The following FAM168A variants were observed in gnomAD, a reference collection of about 807,000 sequenced individuals.
FAM168A encodes family with sequence similarity 168 member A, also known as protein FAM168A.
In FAM168A, 3 loss-of-function variants were observed where a neutral mutation model predicts 28.5. The ratio of observed to expected loss-of-function variants is 0.11; its 90% confidence interval spans 0.05 to 0.27. FAM168A has a LOEUF of 0.27. FAM168A is among the 10% of genes least tolerant of loss of function. The pLI is 1.00. For missense variants in FAM168A, 222 were observed against 311.5 expected (o/e 0.71, Z 2.16); for synonymous variants, 122 against 124.2 (o/e 0.98, Z 0.12).
At chr11:73,487,982 T>A (rs756740494) in intron 1 of FAM168A, among the ~76,000 whole-genome samples, 4 of 152,174 alleles carry the variant, frequency 2.6e-5, no homozygotes, top group Non-Finnish European at 5.9e-5. Context: ...TGACACTAGT[T>A]TGGTTAAACC....
At chr11:73,550,877 G>A (rs1434851827) in intron 1 of FAM168A, among the ~76,000 whole-genome samples, 1 of 152,122 alleles carries the variant, frequency 6.6e-6, no homozygotes, top group Non-Finnish European at 1.5e-5. Context: ...GGGAGGCCGA[G>A]GCAGGCAGAT....
chr11:73,457,723 CAAA>C (rs58142151), intron 2 of FAM168A, among the ~76,000 whole-genome samples: 8 of 37,522 alleles, frequency 2.1e-4, no homozygotes, highest in African/African-American at 3.1e-4. Flanking sequence ...GCCTGGGTGA[CAAA>C]AAAAAAAAAA....
intron 1 of FAM168A, among the ~76,000 whole-genome samples, chr11:73,593,245 G>C (rs1437316566): frequency 6.6e-6 from 1 of 152,146 alleles, no homozygotes; most frequent in African/African-American, 2.4e-5. Flanking sequence ...AAAGGTACTA[G>C]AAATCTCCTT....
chr11:73,564,110 C>T (rs1420561538), intron 1 of FAM168A, among the ~76,000 whole-genome samples: 3 of 152,180 alleles, frequency 2.0e-5, no homozygotes, highest in African/African-American at 4.8e-5. Flanking sequence ...TCTTCTATAG[C>T]GGCTTACAAA....
intron 1 of FAM168A, among the ~76,000 whole-genome samples, chr11:73,597,103 T>C (rs1450434009): frequency 6.6e-6 from 1 of 152,052 alleles, no homozygotes; most frequent in South Asian, 2.1e-4. Context: ...CCACACTCCA[T>C]TTCCATCCCT....
intron 2 of FAM168A, among the ~76,000 whole-genome samples, chr11:73,442,955 GATATATATATATAT>G (rs58430278): frequency 0.016 from 648 of 40,232 alleles, 41 homozygotes; most frequent in Middle Eastern, 0.045. Flanking sequence ...ATATACAAAG[GATATATATATATAT>G]ATATATATAT....
chr11:73,487,758 G>A (rs1868072922), intron 1 of FAM168A, among the ~76,000 whole-genome samples: 1 of 151,512 alleles, frequency 6.6e-6, no homozygotes, highest in African/African-American at 2.4e-5. Flanking sequence ...TATCTCATTC[G>A]CCAAACACCA....
At chr11:73,422,804 A>G (rs546512036) in intron 3 of FAM168A, among the ~76,000 whole-genome samples, 8 of 151,336 alleles carry the variant, frequency 5.3e-5, no homozygotes, top group Non-Finnish European at 1.2e-4. Context: ...GAGAGAGAGA[A>G]AGAACCCTTG....
chr11:73,511,141 A>C (rs1184468484), intron 1 of FAM168A, among the ~76,000 whole-genome samples: 1 of 151,492 alleles, frequency 6.6e-6, no homozygotes, highest in Non-Finnish European at 1.5e-5. Flanking sequence ...TTCAGCCCAG[A>C]GCCAAGGCCA....
At chr11:73,548,229 T>G (rs151138044) in intron 1 of FAM168A, among the ~76,000 whole-genome samples, 1 of 152,182 alleles carries the variant, frequency 6.6e-6, no homozygotes, top group South Asian at 2.1e-4. Flanking sequence ...GTAAATTTTA[T>G]GTTTTTCATC....
intron 3 of FAM168A, among the ~76,000 whole-genome samples, chr11:73,422,111 C>T (rs1431801664): frequency 2.0e-5 from 3 of 152,246 alleles, no homozygotes; most frequent in African/African-American, 4.8e-5. Flanking sequence ...TCACAGTCAC[C>T]GCACACAAGG....
chr11:73,468,500 G>T lies in FAM168A; in HGVS notation c.-18-8C>A. The T allele has an allele frequency of 6.3e-7, 1 of 1,582,848 alleles. No individual in the cohort carries two copies. Among genetic ancestry groups the T allele is most frequent in the South Asian group, 1.1e-5 (1 of 90,308 alleles). On this transcript the variant is annotated splice_polypyrimidine_tract_variant and splice_region_variant and intron_variant, in intron 1 of 7. Coordinates refer to ENST00000356467, the MANE Select transcript of FAM168A (RefSeq NM_015159.3). ...TGTGGAAGACTGAGGATCCTACAGA[G>T]AAAACAAAGAAAACAGCACTGATAT...
intron 2 of FAM168A, among the ~76,000 whole-genome samples, chr11:73,454,532 C>A (rs1429078637): frequency 6.6e-6 from 1 of 152,198 alleles, no homozygotes; most frequent in Non-Finnish European, 1.5e-5. Flanking sequence ...AAATTCTTAG[C>A]AGAAAAGAGC....
At chr11:73,423,728 C>T (rs1424773456) in intron 3 of FAM168A, among the ~76,000 whole-genome samples, 1 of 152,184 alleles carries the variant, frequency 6.6e-6, no homozygotes, top group African/African-American at 2.4e-5. Context: ...CTGACTATCC[C>T]AATCCCTATG....
intron 1 of FAM168A, among the ~76,000 whole-genome samples, chr11:73,469,223 T>C (rs753254009): frequency 6.6e-6 from 1 of 152,204 alleles, no homozygotes; most frequent in Non-Finnish European, 1.5e-5. Flanking sequence ...ACATTCTCCA[T>C]TCTGATTAAT....
At chr11:73,438,958 C>A (rs116275395) in intron 2 of FAM168A, among the ~76,000 whole-genome samples, 2 of 151,730 alleles carry the variant, frequency 1.3e-5, no homozygotes, top group Non-Finnish European at 2.9e-5. Flanking sequence ...CGCCTCACCC[C>A]CCCTTCTTTT....
intron 1 of FAM168A, among the ~76,000 whole-genome samples, chr11:73,499,241 C>G (rs527471661): frequency 1.3e-4 from 20 of 152,126 alleles, no homozygotes; most frequent in Admixed American, 2.0e-4. Flanking sequence ...AGTGAACCCC[C>G]GGCAAACTGC....
intron 1 of FAM168A, among the ~76,000 whole-genome samples, chr11:73,558,675 A>G (rs1738064350): frequency 6.6e-6 from 1 of 152,188 alleles, no homozygotes; most frequent in Non-Finnish European, 1.5e-5. Context: ...ATGGCCAACA[A>G]GTAGATGAAA....
intron 3 of FAM168A, among the ~76,000 whole-genome samples, chr11:73,426,703 C>CTGTGTGTGTGTGTGTGTGTGTGTGTGTG (rs34499254): frequency 6.9e-6 from 1 of 144,204 alleles, no homozygotes; most frequent in African/African-American, 2.6e-5. Flanking sequence ...CCAAAATATG[C>CTGTGTGTGTGTGTGTGTGTGTGTGTGTG]TGTGTGTGTG....
Sources: gnomAD v4.1 joint callset for allele counts (sites outside exome capture counted in the v4.1 genomes callset) on GRCh38, gnomAD v4.1.1 for gene constraint, MANE v1.5 for transcripts, NCBI Gene and HGNC (gene_info 2026-07-23, HGNC 2026-07-21) for gene names.